TENM2: variants seen among roughly 807,000 people sequenced by gnomAD.
The protein encoded by TENM2 is teneurin transmembrane protein 2, also known as teneurin-2.
TENM2 carries 52 observed loss-of-function variants against 245.2 expected under a neutral mutation model. The observed-to-expected ratio is 0.21, with a 90% CI of 0.17 to 0.27. The LOEUF (loss-of-function observed/expected upper bound fraction) is 0.27, where lower values mean the gene tolerates loss of function less well. Ranked by LOEUF, TENM2 falls within the 10% of genes least tolerant of loss-of-function variation. TENM2 has a pLI of 1.00. For synonymous variants in TENM2, 1,363 were observed against 1,438.9 expected (o/e 0.95, Z 1.19); for missense variants, 3,046 against 3,666.8 (o/e 0.83, Z 4.37).
chr5:167,815,724 C>CT (rs1229895247), intron 2 of TENM2, among the ~76,000 whole-genome samples: 2 of 151,962 alleles, frequency 1.3e-5, no homozygotes, highest in African/African-American at 2.4e-5. Flanking sequence ...TGACTGTGAT[C>CT]TTTTTTCTTG....
intron 2 of TENM2, among the ~76,000 whole-genome samples, chr5:167,525,861 T>C (rs927901878): frequency 3.9e-5 from 6 of 152,142 alleles, no homozygotes; most frequent in African/African-American, 1.2e-4. Flanking sequence ...CTTCATTTGT[T>C]ATGTGACTTG....
rs919149474 is a variant in TENM2 at position 167,612,352 on chromosome 5, C to T, written c.502+236879C>T. On this transcript the variant is annotated intron_variant, in intron 2 of 28. Coordinates refer to ENST00000518659, the Ensembl canonical transcript of TENM2. ...CATGGAAACGAACTCACCCAACCCC[C>T]AAAGATAAGTTAATGTGGCATTTAT... 3.3e-5 allele frequency among the ~76,000 whole-genome samples: 5 copies of T among 152,022 alleles called. 1 individual carries two copies. Among genetic ancestry groups the T allele is most frequent in the Non-Finnish European group, 7.4e-5 (5 of 68,006 alleles).
At position 168,034,049 on chromosome 5, in the gene TENM2, G is replaced by GTA. The variant is rs1157018201; in HGVS notation, c.1187-13364_1187-13363dup. Among the ~76,000 whole-genome samples the GTA allele has an allele frequency of 2.5e-3, 314 of 124,044 alleles. 1 individual carries two copies. The highest frequency in any genetic ancestry group is 0.011 in the South Asian group (43 of 3,890). 81.4% of individuals were successfully genotyped at this position (124,044 alleles called of 152,430 possible). ...CTCAAATATATATATATATGTGTGT[G>GTA]TATATATATATATATGTGTATATAT... On this transcript the variant is annotated intron_variant, in intron 5 of 28. Coordinates refer to ENST00000518659, the Ensembl canonical transcript of TENM2.
At chr5:167,358,435 G>A (rs1759483611) in intron 1 of TENM2, among the ~76,000 whole-genome samples, 1 of 149,406 alleles carries the variant, frequency 6.7e-6, no homozygotes, top group Admixed American at 6.7e-5. Context: ...TACACTCGTG[G>A]CTTTCCTCCC....
At chr5:167,005,757 G>C in the TENM2 span, among the ~76,000 whole-genome samples, 1 of 148,128 alleles carries the variant, frequency 6.8e-6, no homozygotes. Flanking sequence ...TGCCTCCCGG[G>C]TTCAAGTGAT....
chr5:167,440,921 T>C (rs949042234), intron 2 of TENM2, among the ~76,000 whole-genome samples: 2 of 152,184 alleles, frequency 1.3e-5, no homozygotes. Flanking sequence ...CATTTGTAAT[T>C]AGTCCTGATC....
the TENM2 span, chr5:167,165,078 A>G: frequency 3.3e-5 from 5 of 152,330 alleles, no homozygotes; most frequent in East Asian, 9.6e-4. Flanking sequence ...AGTGCGTTGA[A>G]TATTACTTCT....
At chr5:167,437,578 G>A (rs529404690) in intron 2 of TENM2, among the ~76,000 whole-genome samples, 1 of 152,218 alleles carries the variant, frequency 6.6e-6, no homozygotes, top group South Asian at 2.1e-4. Flanking sequence ...TGAAATTTGG[G>A]AGTGGCCAGG....
intron 2 of TENM2, among the ~76,000 whole-genome samples, chr5:167,746,599 A>G (rs1015433163): frequency 5.3e-5 from 8 of 151,276 alleles, no homozygotes; most frequent in Non-Finnish European, 1.5e-5. Context: ...GCCAAGACTT[A>G]AGCCACTCAC....
intron 4 of TENM2, among the ~76,000 whole-genome samples, chr5:167,974,029 A>AAGGG (rs748186038): frequency 4.9e-4 from 31 of 63,222 alleles, no homozygotes; most frequent in Non-Finnish European, 5.8e-4. Flanking sequence ...GGGAGGAAGG[A>AAGGG]AGGAAGGAGA....
the TENM2 span, among the ~76,000 whole-genome samples, chr5:167,267,063 C>A: frequency 6.6e-6 from 1 of 152,116 alleles, no homozygotes; most frequent in Non-Finnish European, 1.5e-5. Context: ...ATAAAGTGTT[C>A]TAAAGTTGTA....
intron 2 of TENM2, among the ~76,000 whole-genome samples, chr5:167,785,070 T>C (rs1316307132): frequency 6.6e-6 from 1 of 152,238 alleles, no homozygotes; most frequent in Non-Finnish European, 1.5e-5. Flanking sequence ...AGGAAAATTT[T>C]TTACATTTCT....
At chr5:168,226,028 ACT>A in intron 23 of TENM2, 58 bp from the exon 26 acceptor site, 2 of 1,494,356 alleles carry the variant, frequency 1.3e-6, no homozygotes, top group Non-Finnish European at 1.8e-6. Context: ...TCTTGGGAAC[ACT>A]GTCAGCCCCA....
chr5:167,677,096 A>G (rs1370647972), intron 2 of TENM2, among the ~76,000 whole-genome samples: 1 of 152,132 alleles, frequency 6.6e-6, no homozygotes, highest in Non-Finnish European at 1.5e-5. Context: ...AAGGAATGTC[A>G]TCAAGTCTCT....
rs577730514 is a variant in TENM2 at position 167,298,481 on chromosome 5, A to T, written c.226+13418A>T. Among the ~76,000 whole-genome samples, 266 of 152,178 alleles carry T rather than the reference A, an allele frequency of 1.7e-3. 1 individual carries two copies. The highest frequency in any genetic ancestry group is 6.1e-3 in the African/African-American group (255 of 41,534). ...AGCCGGGCGAGGTGGCGGGCGCCTG[A>T]AGTCCCAGCTACTCGGGAGGCTGAG... On this transcript the variant is annotated intron_variant, in intron 1 of 28. Transcript: ENST00000518659.
At chr5:167,930,887 C>A (rs982014619) in intron 3 of TENM2, among the ~76,000 whole-genome samples, 4 of 152,032 alleles carry the variant, frequency 2.6e-5, no homozygotes, top group African/African-American at 9.7e-5. Context: ...AGAAAATGCC[C>A]AATTTCAAAC....
At chr5:167,746,948 CGTGTTAGCATA>C (rs1761631424) in intron 2 of TENM2, among the ~76,000 whole-genome samples, 1 of 152,120 alleles carries the variant, frequency 6.6e-6, no homozygotes, top group Non-Finnish European at 1.5e-5. Flanking sequence ...CATAGTGCAA[CGTGTTAGCATA>C]GTGCAAAATG....
At chr5:167,090,924 G>A in the TENM2 span, among the ~76,000 whole-genome samples, 326 of 152,234 alleles carry the variant, frequency 2.1e-3, 7 homozygotes, top group South Asian at 0.022. Context: ...CTCTGCAATA[G>A]CTTCACTAAT....
At chr5:168,119,704 C>A (rs1391252289) in intron 10 of TENM2, among the ~76,000 whole-genome samples, 1 of 152,210 alleles carries the variant, frequency 6.6e-6, no homozygotes, top group Non-Finnish European at 1.5e-5. Flanking sequence ...CTAAGTCCAT[C>A]TCCCAGTGAA....
Sources: gnomAD v4.1 joint callset for allele counts (sites outside exome capture counted in the v4.1 genomes callset) on GRCh38, gnomAD v4.1.1 for gene constraint, MANE v1.5 for transcripts, NCBI Gene and HGNC (gene_info 2026-07-23, HGNC 2026-07-21) for gene names.